The following XYLT1 variants were observed in gnomAD, a reference collection of about 807,000 sequenced individuals.
The protein encoded by XYLT1 is beta-D-xylosyltransferase 1.
A neutral mutation model predicts 91.3 loss-of-function variants in XYLT1; 36 were observed. The ratio of observed to expected loss-of-function variants is 0.39; its 90% CI spans 0.30 to 0.52. XYLT1 has a LOEUF of 0.52. Among genes scored for constraint, XYLT1 ranks in the 20% least tolerant of loss-of-function variants. The probability of loss-of-function intolerance (pLI) is 0.68; values close to 1 mark genes in which losing one functional copy is unlikely to be tolerated. For synonymous variants in XYLT1, 588 were observed against 532.0 expected, an observed-to-expected ratio of 1.11 and a Z score of -1.45; for missense variants, 1,242 against 1,284.5, an observed-to-expected ratio of 0.97 and a Z score of 0.51.
At position 17,114,390 on chromosome 16, in the gene XYLT1, G is replaced by A. The variant is rs1048169420; in HGVS notation, c.2557+3256C>T. Among the ~76,000 whole-genome samples, 5 of 152,314 alleles carry A rather than the reference G, an allele frequency of 3.3e-5. No individual in the cohort carries two copies. The South Asian group carries it at 8.3e-4, about 25-fold the overall frequency. ...TCTTATGGCACTGAGCCCTCACTCT[G>A]TGGTGTCTGATGCTACCTCTGGGGT... On this transcript the variant is annotated intron_variant, in intron 11 of 11. Transcript: ENST00000261381.
chr16:17,169,894 A>G (rs2031785536), intron 5 of XYLT1, among the ~76,000 whole-genome samples: 1 of 152,238 alleles, frequency 6.6e-6, no homozygotes, highest in Admixed American at 6.5e-5. Flanking sequence ...GAGGGCATCG[A>G]AAGATTGAAT....
chr16:17,177,430 T>C (rs1012351444), intron 5 of XYLT1, among the ~76,000 whole-genome samples: 2 of 152,154 alleles, frequency 1.3e-5, no homozygotes, highest in Non-Finnish European at 2.9e-5. Flanking sequence ...TTCCTGACAA[T>C]GTCATGAAGA....
chr16:17,396,079 C>G lies in XYLT1; in HGVS notation c.364-38029G>C, dbSNP rs112369942. 2.0e-5 allele frequency among the ~76,000 whole-genome samples: 3 copies of G among 152,314 alleles called. No individual in the cohort carries two copies. In the East Asian group the frequency reaches 5.8e-4, roughly 29 times the overall value. On this transcript the variant is annotated intron_variant, in intron 1 of 11. Transcript: ENST00000261381. ...ATTCTCGACGCATGAAAAACAAAGG[C>G]GTCTGGCTTGGGAAAGTTTGTCCCA...
chr16:17,358,323 G>A (rs114601056), intron 1 of XYLT1, among the ~76,000 whole-genome samples: 1,664 of 152,072 alleles, frequency 0.011, 39 homozygotes, highest in African/African-American at 0.037. Context: ...TTTTTGTAGA[G>A]ATGGGGTCTC....
chr16:17,251,849 G>A (rs1026896001), intron 3 of XYLT1, among the ~76,000 whole-genome samples: 1 of 152,104 alleles, frequency 6.6e-6, no homozygotes, highest in African/African-American at 2.4e-5. Context: ...GTCCTGGAAG[G>A]CTTCCCAGAG....
intron 1 of XYLT1, among the ~76,000 whole-genome samples, chr16:17,376,269 T>C (rs939075293): frequency 3.3e-5 from 5 of 152,202 alleles, no homozygotes; most frequent in African/African-American, 7.2e-5. Flanking sequence ...TGGCGCTCCA[T>C]ATCCTACAAT....
intron 2 of XYLT1, among the ~76,000 whole-genome samples, chr16:17,347,971 G>A (rs79123402): frequency 0.082 from 12,516 of 152,052 alleles, 670 homozygotes; most frequent in Admixed American, 0.18. Flanking sequence ...CTGTGGCCTT[G>A]CTAGGGGTAC....
chr16:17,345,475 C>G (rs1320054574), intron 2 of XYLT1, among the ~76,000 whole-genome samples: 1 of 152,194 alleles, frequency 6.6e-6, no homozygotes, highest in African/African-American at 2.4e-5. Flanking sequence ...GCTGGAGAGC[C>G]TCTGCTCCCC....
chr16:17,390,427 C>T (rs1413724052), intron 1 of XYLT1, among the ~76,000 whole-genome samples: 4 of 152,202 alleles, frequency 2.6e-5, no homozygotes, highest in African/African-American at 7.2e-5. Context: ...GGAGGAGGCA[C>T]CTTCAATGCC....
At chr16:17,469,181 TAGC>T (rs781112695) in intron 1 of XYLT1, among the ~76,000 whole-genome samples, 18 of 152,236 alleles carry the variant, frequency 1.2e-4, no homozygotes, top group Non-Finnish European at 2.4e-4. Flanking sequence ...CGAAGAAGTT[TAGC>T]AGCTCAGAAA....
Position 17,398,818 on chromosome 16 carries a change from GC to G in XYLT1, c.364-40769del, listed in dbSNP as rs71230739. Among the ~76,000 whole-genome samples the G allele has an allele frequency of 4.8e-3, 407 of 84,788 alleles. 45 individuals carry two copies. Among genetic ancestry groups the G allele is most frequent in the Non-Finnish European group, 7.5e-3 (309 of 40,988 alleles). 55.6% of individuals were successfully genotyped at this position (84,788 alleles called of 152,430 possible). A position where few individuals can be genotyped will look rare whatever the true frequency, so the allele number is the denominator to read the frequency against. On this transcript the variant is annotated intron_variant, in intron 1 of 11. Coordinates refer to ENST00000261381, the MANE Select transcript of XYLT1 (RefSeq NM_022166.4). ...TGCATGGCTATGTCCAAATGTCCCC[GC>G]CCCCCCCCACTGTTTTTTTGTTTTG... is the stretch of plus-strand genomic sequence containing the variant.
intron 1 of XYLT1, among the ~76,000 whole-genome samples, chr16:17,418,650 C>T (rs756111974): frequency 6.6e-6 from 1 of 152,054 alleles, no homozygotes; most frequent in Non-Finnish European, 1.5e-5. Context: ...GAGTTTGAGA[C>T]CAGCCTGGGC....
intron 1 of XYLT1, among the ~76,000 whole-genome samples, chr16:17,432,057 T>G (rs1327168604): frequency 6.6e-6 from 1 of 152,156 alleles, no homozygotes; most frequent in Non-Finnish European, 1.5e-5. Flanking sequence ...AATAAACCTC[T>G]TCACCATCCA....
At position 17,292,031 on chromosome 16, in the gene XYLT1, C is replaced by A. The variant is rs935792619; in HGVS notation, c.403-32533G>T. Among the ~76,000 whole-genome samples the A allele has an allele frequency of 3.3e-5, 5 of 151,848 alleles. No homozygotes were observed. The East Asian group carries it at 9.7e-4, about 29-fold the overall frequency. On this transcript the variant is annotated intron_variant, in intron 2 of 11. Transcript: ENST00000261381. ...GCAAAACATCGTCTCTACAAAAAAA[C>A]CCATAAATAATTAGCCAGCTAGCCG...
At chr16:17,260,780 G>A (rs1345131255) in intron 2 of XYLT1, among the ~76,000 whole-genome samples, 3 of 152,158 alleles carry the variant, frequency 2.0e-5, no homozygotes, top group African/African-American at 7.2e-5. Context: ...GAAACTTTCT[G>A]GTCTGAAAAG....
At chr16:17,153,540 A>T (rs1020629016) in intron 6 of XYLT1, among the ~76,000 whole-genome samples, 1 of 152,224 alleles carries the variant, frequency 6.6e-6, no homozygotes, top group Non-Finnish European at 1.5e-5. Flanking sequence ...TCAGCCTCCC[A>T]GGATGCTGGG....
In XYLT1 at chr16:17,445,430, G is replaced by A. The variant is rs1178238943; in HGVS notation, c.363+25004C>T. On this transcript the variant is annotated intron_variant, in intron 1 of 11. Coordinates refer to ENST00000261381, the MANE Select transcript of XYLT1 (RefSeq NM_022166.4). ...AAGAGGTGACCACATAGAGTGAGTCGGCTGGAGGCCACTCTTCTGCCCAAG... is the reference window on the plus strand; with the variant it reads ...AAGAGGTGACCACATAGAGTGAGTCAGCTGGAGGCCACTCTTCTGCCCAAG... Among the ~76,000 whole-genome samples, 6 of 152,218 alleles carry A rather than the reference G, an allele frequency of 3.9e-5. No homozygotes were observed. In the East Asian group the frequency reaches 7.7e-4, roughly 20 times the overall value.
intron 2 of XYLT1, among the ~76,000 whole-genome samples, chr16:17,281,219 A>T (rs1027145060): frequency 1.3e-5 from 2 of 152,160 alleles, no homozygotes; most frequent in Non-Finnish European, 2.9e-5. Flanking sequence ...GGCAGGCATC[A>T]GAGCCCCAGT....
intron 2 of XYLT1, among the ~76,000 whole-genome samples, chr16:17,275,391 C>T (rs115472862): frequency 6.6e-6 from 1 of 151,996 alleles, no homozygotes; most frequent in African/African-American, 2.4e-5. Flanking sequence ...TTTCTAAAGT[C>T]CCCCCCAGGA....
Sources: gnomAD v4.1 joint callset for allele counts (sites outside exome capture counted in the v4.1 genomes callset) on GRCh38, gnomAD v4.1.1 for gene constraint, MANE v1.5 for transcripts, NCBI Gene and HGNC (gene_info 2026-07-23, HGNC 2026-07-21) for gene names.